Variants in EFR3B observed in about 807,000 individuals in gnomAD.
The protein encoded by EFR3B is protein EFR3 homolog B.
In EFR3B, 64 loss-of-function variants were observed where a neutral mutation model predicts 104.7. The ratio of observed to expected loss-of-function variants is 0.61; its 90% CI spans 0.50 to 0.75. EFR3B has a LOEUF of 0.75. Among genes scored for constraint, EFR3B ranks in the 30% least tolerant of loss-of-function variants. EFR3B has a pLI of 0.00. For missense variants in EFR3B, 750 were observed against 1,078.5 expected (o/e 0.70, Z 4.27); for synonymous variants, 385 against 417.9 (o/e 0.92, Z 0.96).
intron 1 of EFR3B, among the ~76,000 whole-genome samples, chr2:25,055,573 T>C (rs1667995241): frequency 6.6e-6 from 1 of 152,230 alleles, no homozygotes; most frequent in Non-Finnish European, 1.5e-5. Flanking sequence ...ATCCCACCCT[T>C]GTCGTAGCTA....
In EFR3B at chr2:25,137,953, C is replaced by G. The variant is rs1321747413; in HGVS notation, c.1722+451C>G. 6.6e-5 allele frequency among the ~76,000 whole-genome samples: 10 copies of G among 152,166 alleles called. No homozygotes were observed. The highest frequency in any genetic ancestry group is 1.5e-5 in the Non-Finnish European group (1 of 68,022). ...TTGGGAGGCCGAGGTGGGTGGACCA[C>G]TTGAGGTCAGGAGTTCAAGACCAGC... On this transcript the variant is annotated intron_variant, in intron 15 of 22. Coordinates refer to ENST00000403714, the MANE Select transcript of EFR3B (RefSeq NM_014971.2). This position sits in a 1 kb window ranked among gnomAD's most constrained non-coding sequence, Gnocchi z 4.7.
At chr2:25,092,403 TAC>T (rs35598238) in intron 2 of EFR3B, among the ~76,000 whole-genome samples, 62,770 of 142,854 alleles carry the variant, frequency 0.44, 13,583 homozygotes, top group Admixed American at 0.52. Context: ...CATCCATTCC[TAC>T]ACACACACAC....
In EFR3B at chr2:25,042,520, C is replaced by T. The variant is rs1317826097; in HGVS notation, c.7+201C>T. On this transcript the variant is annotated intron_variant, in intron 1 of 22. Transcript: ENST00000403714. This position sits in a 1 kb window ranked among gnomAD's most constrained non-coding sequence, Gnocchi z 5.4. ...TGCCTCGGGCCGGGGACCCTGGGGT[C>T]CTCTCCAGGCCCGGCGCGTGCCGGT... The T allele has an allele frequency of 4.6e-5, 55 of 1,207,314 alleles. No homozygotes were observed. The highest frequency in any genetic ancestry group is 3.2e-5 in the Non-Finnish European group (31 of 972,486). The allele number at this position is 1,207,314 out of a possible 1,614,324, so 74.8% of individuals were successfully genotyped here.
At chr2:25,109,159 T>G (rs1669649905) in intron 4 of EFR3B, among the ~76,000 whole-genome samples, 1 of 147,436 alleles carries the variant, frequency 6.8e-6, no homozygotes, top group African/African-American at 2.5e-5. Context: ...AAATAATTCT[T>G]AAGACTTAAC....
chr2:25,130,022 C>T lies in EFR3B; in HGVS notation c.683C>T (p.Pro228Leu). ...GCACCTGAGAAGGAGAAAGAGAGCCCCGCGGAGCTGGCTGAGAGGTGTCTT... is the reference window on the plus strand; with the variant it reads ...GCACCTGAGAAGGAGAAAGAGAGCCTCGCGGAGCTGGCTGAGAGGTGTCTT... The part of the protein sequence containing the change: ...LQAPEKEKES[P>L]AELAERCLRE... The change falls in exon 7 of 23, where the codon CCC (proline) becomes CTC (leucine). Residue 228 changes from proline (P) to leucine (L), a missense_variant. By Grantham distance (98) the Pro-to-Leu change is moderately conservative. Coordinates refer to ENST00000403714, the MANE Select transcript of EFR3B (RefSeq NM_014971.2). This position sits in a 1 kb window ranked among gnomAD's most constrained non-coding sequence, Gnocchi z 4.6. 6.4e-7 allele frequency: 1 copy of T among 1,551,778 alleles called. No individual in the cohort carries two copies.
At chr2:25,068,060 C>T (rs1422134207) in intron 1 of EFR3B, among the ~76,000 whole-genome samples, 1 of 152,112 alleles carries the variant, frequency 6.6e-6, no homozygotes, top group Non-Finnish European at 1.5e-5. Flanking sequence ...CTTCCCTGTG[C>T]ATACGAGCAG....
Position 25,135,487 on chromosome 2 carries a change from C to T in EFR3B, c.1332C>T (p.Cys444=). 1 of 1,551,738 alleles carries T rather than the reference C, an allele frequency of 6.4e-7. No homozygotes were observed. The highest frequency in any genetic ancestry group is 8.7e-7 in the Non-Finnish European group (1 of 1,146,996). ...TGCAGGTATCCACAGGTTTCCAGTG[C>T]AACAACATGATGTCAGCCCTGCCTA... ...SLLQVSTGFQ[C]NNMMSALPSN... is the part of the protein sequence containing the mutation. The change falls in exon 13 of 23, where the codon TGC becomes TGT. Residue 444 remains cysteine, a synonymous_variant. Transcript: ENST00000403714.
chr2:25,141,533 A>G (rs1204547574), intron 17 of EFR3B, 100 bp downstream of exon 17: 1 of 1,246,472 alleles, frequency 8.0e-7, no homozygotes, highest in African/African-American at 1.5e-5. Context: ...GGAGGCTCAG[A>G]CTTCTGTGGA....
Position 25,131,321 on chromosome 2 carries a change from G to C in EFR3B, c.850-47G>C. ...CCAGGAGAGGGCTGCGCAGCCCAGG[G>C]ACCCCGTGGGGTTGCTGTCCAGGCC... On this transcript the variant is annotated intron_variant, in intron 8 of 22. Coordinates refer to ENST00000403714, the MANE Select transcript of EFR3B (RefSeq NM_014971.2). The surrounding 1 kb of genome is among the most constrained non-coding windows in gnomAD (Gnocchi z 7.6). 6.5e-7 allele frequency: 1 copy of C among 1,539,642 alleles called. No homozygotes were observed. The highest frequency in any genetic ancestry group is 8.8e-7 in the Non-Finnish European group (1 of 1,139,744).
chr2:25,113,741 G>A (rs1319029649), intron 4 of EFR3B, among the ~76,000 whole-genome samples: 2 of 152,084 alleles, frequency 1.3e-5, no homozygotes, highest in Non-Finnish European at 2.9e-5. Flanking sequence ...GGGCCCAGTG[G>A]AAATTCATGG....
In EFR3B at chr2:25,157,762, G is replaced by C. The variant is rs1483098539; in HGVS notation, c.*3422G>C. The C allele has an allele frequency of 6.6e-6, 1 of 152,282 alleles. No individual in the cohort carries two copies. The highest frequency in any genetic ancestry group is 1.5e-5 in the Non-Finnish European group (1 of 68,104). The allele number at this position is 152,282 out of a possible 1,614,324, so 9.4% of individuals were successfully genotyped here. On this transcript the variant is annotated 3_prime_UTR_variant, in exon 23 of 23. Coordinates refer to ENST00000403714, the MANE Select transcript of EFR3B (RefSeq NM_014971.2). ...AGGCTCCCTCTGTTTTCCTTGCCAT[G>C]GAGTCCCCAGCGCCTTGTGCCTGTT... is the stretch of plus-strand genomic sequence containing the variant.
Position 25,130,225 on chromosome 2 carries a change from C to G in EFR3B, c.770+116C>G. 7.0e-7 allele frequency: 1 copy of G among 1,435,662 alleles called. No homozygotes were observed. Among genetic ancestry groups the G allele is most frequent in the Non-Finnish European group, 9.4e-7 (1 of 1,065,928 alleles). 88.9% of individuals were successfully genotyped at this position (1,435,662 alleles called of 1,614,324 possible). On this transcript the variant is annotated intron_variant, in intron 7 of 22. Transcript: ENST00000403714. The surrounding 1 kb of genome is among the most constrained non-coding windows in gnomAD (Gnocchi z 4.6). ...GATATTACAGTTGTGGTGCCGCAGC[C>G]GAGTCGATCCCTTCCCTGTGCCTGT...
intron 1 of EFR3B, among the ~76,000 whole-genome samples, chr2:25,067,039 A>G (rs1668354044): frequency 6.6e-6 from 1 of 152,232 alleles, no homozygotes; most frequent in African/African-American, 2.4e-5. Context: ...TACTTCTGCA[A>G]TGATGTCAGT....
At chr2:25,064,953 G>A (rs1210958717) in intron 1 of EFR3B, among the ~76,000 whole-genome samples, 2 of 152,046 alleles carry the variant, frequency 1.3e-5, no homozygotes, top group Admixed American at 6.5e-5. Context: ...GGATTCTAAG[G>A]ACACAACTGA....
chr2:25,127,378 T>C (rs1193296079), intron 5 of EFR3B, among the ~76,000 whole-genome samples: 1 of 151,980 alleles, frequency 6.6e-6, no homozygotes, highest in African/African-American at 2.4e-5. Flanking sequence ...AAATATGCAA[T>C]AGGTTCTTAA....
intron 1 of EFR3B, among the ~76,000 whole-genome samples, chr2:25,068,994 C>T (rs1477628904): frequency 2.1e-5 from 3 of 144,272 alleles, no homozygotes; most frequent in Non-Finnish European, 4.5e-5. Flanking sequence ...AATGCAGTGG[C>T]GCGATCTTGG....
chr2:25,060,358 C>T (rs1354084328), intron 1 of EFR3B, among the ~76,000 whole-genome samples: 1 of 152,120 alleles, frequency 6.6e-6, no homozygotes, highest in African/African-American at 2.4e-5. Context: ...CCTTATTGAT[C>T]AGGGGTGTCT....
chr2:25,125,164 A>G (rs1390628217), intron 5 of EFR3B, among the ~76,000 whole-genome samples: 1 of 152,244 alleles, frequency 6.6e-6, no homozygotes, highest in Non-Finnish European at 1.5e-5. Context: ...TGGGTGTCAC[A>G]GAATGAATCG....
rs1176650748 is a variant in EFR3B, at chr2:25,155,004, C to T, written c.*664C>T. On this transcript the variant is annotated 3_prime_UTR_variant, in exon 23 of 23. Coordinates refer to ENST00000403714, the MANE Select transcript of EFR3B (RefSeq NM_014971.2). ...AGGTGGGCCTGTGGCATCAGCAGGC[C>T]CAGCGGGCGAGTGTGGTCCCTGCAG... 1 of 152,516 alleles carries T rather than the reference C, an allele frequency of 6.6e-6. No individual in the cohort carries two copies. Among genetic ancestry groups the T allele is most frequent in the Non-Finnish European group, 1.5e-5 (1 of 68,320 alleles). The allele number at this position is 152,516 out of a possible 1,614,324, so 9.4% of individuals were successfully genotyped here.
Sources: allele counts gnomAD v4.1 joint callset (sites outside exome capture counted in the v4.1 genomes callset), GRCh38; gene constraint gnomAD v4.1.1; non-coding constraint Gnocchi (gnomAD v3.1); transcripts MANE v1.5; gene names NCBI Gene and HGNC (gene_info 2026-07-23, HGNC 2026-07-21).